The following LOXL1 variants were observed in gnomAD, a reference collection of about 807,000 sequenced individuals.
LOXL1 encodes lysyl oxidase like 1, also known as lysyl oxidase homolog 1.
Under a neutral mutation model 62.2 loss-of-function variants are expected in LOXL1, and 31 were observed. The ratio of observed to expected loss-of-function variants is 0.50; its 90% CI spans 0.37 to 0.67. The LOEUF (loss-of-function observed/expected upper bound fraction) is 0.67. Among genes scored for constraint, LOXL1 ranks in the 30% least tolerant of loss-of-function variants. LOXL1 has a pLI of 0.00. For synonymous variants in LOXL1, 403 were observed against 384.4 expected, an observed-to-expected ratio of 1.05 and a Z score of -0.56; for missense variants, 775 against 843.4, an observed-to-expected ratio of 0.92 and a Z score of 1.00.
intron 4 of LOXL1, 86 bp from the exon 5 acceptor site, chr15:73,947,721 G>C: frequency 1.1e-6 from 1 of 931,564 alleles, no homozygotes; most frequent in Non-Finnish European, 1.7e-6. Context: ...CCCAGGGGAA[G>C]GTGGGCCAGA....
At chr15:73,938,210 G>A (rs760430058) in intron 1 of LOXL1, among the ~76,000 whole-genome samples, 2 of 151,978 alleles carry the variant, frequency 1.3e-5, no homozygotes, top group African/African-American at 2.4e-5. Context: ...AACCCGGGAG[G>A]TGGAGGTTGC....
intron 2 of LOXL1, 61 bp downstream of exon 2, chr15:73,943,023 C>G (rs2068725843): frequency 7.3e-7 from 1 of 1,367,364 alleles, no homozygotes; most frequent in African/African-American, 1.4e-5. Flanking sequence ...ACCCAGAACC[C>G]AGCCTAGCTG....
chr15:73,943,248 G>T (rs967120169), intron 2 of LOXL1, among the ~76,000 whole-genome samples: 3 of 152,224 alleles, frequency 2.0e-5, no homozygotes, highest in African/African-American at 7.2e-5. Flanking sequence ...AGCCCTGAAG[G>T]CATGGGTTAC....
At chr15:73,950,575 G>A (rs186089696) in intron 6 of LOXL1, among the ~76,000 whole-genome samples, 30 of 152,304 alleles carry the variant, frequency 2.0e-4, no homozygotes, top group Middle Eastern at 3.4e-3. Context: ...CCAGGATCAG[G>A]GTTCAGTGTA....
Position 73,934,319 on chromosome 15 carries a change from T to C in LOXL1, c.1102+6434T>C, listed in dbSNP as rs566112327. ...CACGCACTTGCCAAGGACATACAGGTGCTAGGCCCTGAGCTGGGCGTGGAG... is the reference window on the plus strand; with the variant it reads ...CACGCACTTGCCAAGGACATACAGGCGCTAGGCCCTGAGCTGGGCGTGGAG... On this transcript the variant is annotated intron_variant, in intron 1 of 6. Coordinates refer to ENST00000261921, the MANE Select transcript of LOXL1 (RefSeq NM_005576.4). Among the ~76,000 whole-genome samples the C allele has an allele frequency of 2.0e-5, 3 of 152,270 alleles. No individual in the cohort carries two copies. In the East Asian group the frequency reaches 5.8e-4, roughly 29 times the overall value.
At chr15:73,940,790 G>A (rs1346226393) in intron 1 of LOXL1, among the ~76,000 whole-genome samples, 5 of 152,230 alleles carry the variant, frequency 3.3e-5, no homozygotes, top group Admixed American at 6.5e-5. Flanking sequence ...AGTCAGGGCT[G>A]GGAGAGGCCA....
chr15:73,931,063 G>T (rs1483248136), intron 1 of LOXL1, among the ~76,000 whole-genome samples: 2 of 144,758 alleles, frequency 1.4e-5, no homozygotes, highest in African/African-American at 5.3e-5. Flanking sequence ...GTTTCAGCTT[G>T]TCTGAGCTGG....
At position 73,946,490 on chromosome 15, in the gene LOXL1, C is replaced by T; in HGVS notation, c.1285C>T (p.Gln429Ter). Residue 429 changes from glutamine to a stop codon, truncating the protein, a stop_gained, in exon 3 of 7, where the codon CAG becomes TAG. Coordinates refer to ENST00000261921, the MANE Select transcript of LOXL1 (RefSeq NM_005576.4). LOFTEE classifies it high-confidence loss of function. ...LLRFPQRVKN[Q>*]GTADFLPNRP... The stretch of plus-strand genomic sequence containing the variant: ...GCGCTTCCCCCAGCGCGTGAAGAAC[C>T]AGGGCACAGCAGACTTCCTCCCCAA... 6.2e-7 allele frequency: 1 copy of T among 1,612,028 alleles called. No homozygotes were observed. The highest frequency in any genetic ancestry group is 8.5e-7 in the Non-Finnish European group (1 of 1,179,268).
chr15:73,951,944 G>T lies in LOXL1; in HGVS notation c.*107G>T. The T allele has an allele frequency of 1.0e-6, 1 of 1,002,598 alleles. No homozygotes were observed. Among genetic ancestry groups the T allele is most frequent in the Non-Finnish European group, 1.3e-6 (1 of 749,294 alleles). The allele number at this position is 1,002,598 out of a possible 1,614,324, so 62.1% of individuals were successfully genotyped here. On this transcript the variant is annotated 3_prime_UTR_variant, in exon 7 of 7. Transcript: ENST00000261921. ...GCCCCCAACCCACAGGCACGGAGGG[G>T]CATCCCTCCCTGCCGGCCTCAGGGA...
intron 6 of LOXL1, among the ~76,000 whole-genome samples, chr15:73,951,135 G>T (rs543487643): frequency 1.3e-5 from 2 of 152,178 alleles, no homozygotes; most frequent in Admixed American, 1.3e-4. Flanking sequence ...GGCTGCTGGG[G>T]GCTCGGGGAG....
rs570577475 is a variant in LOXL1, at chr15:73,951,958, C to T, written c.*121C>T. On this transcript the variant is annotated 3_prime_UTR_variant, in exon 7 of 7. Transcript: ENST00000261921. ...GGCACGGAGGGGCATCCCTCCCTGC[C>T]GGCCTCAGGGAGCGAACGTGGATGA... 7.7e-5 allele frequency: 67 copies of T among 867,198 alleles called. No homozygotes were observed. In the Admixed American group the frequency reaches 2.1e-3, roughly 27 times the overall value. 53.7% of individuals were successfully genotyped at this position (867,198 alleles called of 1,614,324 possible). A position where few individuals can be genotyped will look rare whatever the true frequency, so the allele number is the denominator to read the frequency against.
Position 73,927,791 on chromosome 15 carries a change from C to G in LOXL1, c.1008C>G (p.Ser336Arg). Reference protein sequence around the residue: ...ALEPPYLPVRSSDTPPPGGER... With the variant: ...ALEPPYLPVRRSDTPPPGGER... ...AGCCGCCCTACCTGCCGGTGCGCAG[C>G]TCCGACACGCCCCCGCCGGGTGGGG... The change falls in exon 1 of 7, where the codon AGC (serine) becomes AGG (arginine). Residue 336 changes from serine (S) to arginine (R), a missense_variant. Coordinates refer to ENST00000261921, the MANE Select transcript of LOXL1 (RefSeq NM_005576.4). 7.2e-7 allele frequency: 1 copy of G among 1,394,074 alleles called. No homozygotes were observed. The highest frequency in any genetic ancestry group is 1.6e-5 in the South Asian group (1 of 62,446). The allele number at this position is 1,394,074 out of a possible 1,614,324, so 86.4% of individuals were successfully genotyped here. A position where few individuals can be genotyped will look rare whatever the true frequency, so the allele number is the denominator to read the frequency against.
chr15:73,927,283 AC>A lies in LOXL1; in HGVS notation c.502del (p.Arg168AlafsTer259), dbSNP rs1398940483. 2 of 1,602,382 alleles carry A rather than the reference AC, an allele frequency of 1.2e-6. No homozygotes were observed. The highest frequency in any genetic ancestry group is 3.4e-5 in the Admixed American group (2 of 59,394). The stretch of plus-strand genomic sequence containing the variant: ...TCGGCTTCGGCCTTCGCCAGCACCT[AC>A]CGCCAGCAGCCCTCCTACCCGCAGC... ...SVSASAFAST[Y>X]RQQPSYPQQF... is the part of the protein sequence containing the mutation. On this transcript the variant is annotated frameshift_variant, in exon 1 of 7. Coordinates refer to ENST00000261921, the MANE Select transcript of LOXL1 (RefSeq NM_005576.4). LOFTEE classifies it high-confidence loss of function.
At chr15:73,948,915 T>C (rs1012366139) in intron 5 of LOXL1, among the ~76,000 whole-genome samples, 1 of 152,236 alleles carries the variant, frequency 6.6e-6, no homozygotes, top group Non-Finnish European at 1.5e-5. Flanking sequence ...CAAATAAAGC[T>C]GGCCCTACCC....
intron 1 of LOXL1, among the ~76,000 whole-genome samples, chr15:73,939,529 T>G (rs1156938980): frequency 6.6e-6 from 1 of 152,142 alleles, no homozygotes; most frequent in African/African-American, 2.4e-5. Context: ...TAAGAGTGAT[T>G]CCATTTAAGT....
chr15:73,933,968 C>T (rs905091831), intron 1 of LOXL1, among the ~76,000 whole-genome samples: 1 of 152,218 alleles, frequency 6.6e-6, no homozygotes, highest in Non-Finnish European at 1.5e-5. Flanking sequence ...GGTCTGGGTC[C>T]CTCTCCCTCT....
rs778750857 is a variant in LOXL1 at position 73,934,679 on chromosome 15, T to TTC, written c.1102+6794_1102+6795insTC. On this transcript the variant is annotated intron_variant, in intron 1 of 6. Transcript: ENST00000261921. ...TGCTGGGCACCGTTCTAGAGCTGGG[T>TTC]ATTCATTCGTGAAAAGAAAGAGACA... Among the ~76,000 whole-genome samples the TTC allele has an allele frequency of 1.6e-3, 239 of 152,368 alleles. 1 individual carries two copies. Among genetic ancestry groups the TTC allele is most frequent in the Non-Finnish European group, 2.1e-3 (144 of 68,040 alleles).
chr15:73,938,958 T>A (rs1330420697), intron 1 of LOXL1, among the ~76,000 whole-genome samples: 7 of 152,156 alleles, frequency 4.6e-5, no homozygotes, highest in African/African-American at 1.4e-4. Context: ...TCCTTTAAAA[T>A]GCATACTTTT....
intron 2 of LOXL1, among the ~76,000 whole-genome samples, chr15:73,944,008 G>A (rs986425440): frequency 6.6e-6 from 1 of 152,166 alleles, no homozygotes; most frequent in Admixed American, 6.5e-5. Context: ...AAAAGTATCC[G>A]CTGAACTAAG....
Sources: allele counts gnomAD v4.1 joint callset (sites outside exome capture counted in the v4.1 genomes callset), GRCh38; gene constraint gnomAD v4.1.1; transcripts MANE v1.5; gene names NCBI Gene and HGNC (gene_info 2026-07-23, HGNC 2026-07-21).